Variants in SLC4A5 observed in about 807,000 individuals in gnomAD.
The protein encoded by SLC4A5 is electrogenic sodium bicarbonate cotransporter 4.
Under a neutral mutation model 120.4 loss-of-function variants are expected in SLC4A5, and 96 were observed. That is an observed-to-expected ratio of 0.80 (90% confidence interval 0.68 to 0.94). SLC4A5 has a LOEUF of 0.94. Ranked by LOEUF, SLC4A5 falls within the 40% of genes least tolerant of loss-of-function variation. The probability of loss-of-function intolerance (pLI) is 0.00; values close to 1 mark genes in which losing one functional copy is unlikely to be tolerated. For missense variants in SLC4A5, 1,259 were observed against 1,459.5 expected, an observed-to-expected ratio of 0.86 and a Z score of 2.24; for synonymous variants, 550 against 571.1, an observed-to-expected ratio of 0.96 and a Z score of 0.53.
chr2:74,246,567 T>C (rs1342870846), intron 19 of SLC4A5, among the ~76,000 whole-genome samples: 2 of 152,234 alleles, frequency 1.3e-5, no homozygotes, highest in African/African-American at 4.8e-5. Context: ...TCTGGACATG[T>C]TTCCATCTGT....
chr2:74,265,893 A>C (rs903781499), intron 8 of SLC4A5, among the ~76,000 whole-genome samples: 4 of 152,112 alleles, frequency 2.6e-5, no homozygotes, highest in Non-Finnish European at 5.9e-5. Flanking sequence ...AAGACTTGGA[A>C]TCATGGGCTG....
chr2:74,221,716 G>A (rs1694654253), intron 29 of SLC4A5, among the ~76,000 whole-genome samples: 1 of 152,134 alleles, frequency 6.6e-6, no homozygotes, highest in Admixed American at 6.5e-5. Flanking sequence ...GGCATGGGAG[G>A]GCCAGGGAAG....
At chr2:74,247,194 C>T (rs1276164475) in exon 19 of SLC4A5, 4 of 1,614,008 alleles carry the variant, frequency 2.5e-6, no homozygotes, top group East Asian at 2.2e-5. Flanking sequence ...CTCGGTGAAG[C>T]GGGTGATATA....
chr2:74,274,235 G>A (rs375238972), intron 8 of SLC4A5, among the ~76,000 whole-genome samples: 7 of 152,178 alleles, frequency 4.6e-5, no homozygotes, highest in African/African-American at 1.4e-4. Context: ...CCCAGCAGGC[G>A]GAAGTTACAG....
At chr2:74,335,521 A>G (rs1166400420) in intron 3 of SLC4A5, among the ~76,000 whole-genome samples, 1 of 152,174 alleles carries the variant, frequency 6.6e-6, no homozygotes, top group Non-Finnish European at 1.5e-5. Context: ...TACCCTGGAA[A>G]GCTACTTCTC....
At chr2:74,297,449 T>C (rs780688834) in intron 7 of SLC4A5, among the ~76,000 whole-genome samples, 4 of 152,180 alleles carry the variant, frequency 2.6e-5, no homozygotes, top group Non-Finnish European at 4.4e-5. Context: ...TTGGCCACCC[T>C]GCAACAATCT....
intron 28 of SLC4A5, among the ~76,000 whole-genome samples, chr2:74,224,560 C>T (rs557712936): frequency 5.3e-5 from 8 of 152,324 alleles, no homozygotes; most frequent in East Asian, 1.9e-4. Context: ...GCTGTGATCA[C>T]GGCCGTAAAG....
chr2:74,272,141 T>G (rs1033792163), intron 8 of SLC4A5, among the ~76,000 whole-genome samples: 5 of 152,170 alleles, frequency 3.3e-5, no homozygotes, highest in Non-Finnish European at 2.9e-5. Context: ...GATGGAATGA[T>G]GTGGTGTCTG....
In SLC4A5 at chr2:74,247,030, G is replaced by C. The variant is rs201220442; in HGVS notation, c.2059+6C>G. 6.2e-7 allele frequency: 1 copy of C among 1,613,002 alleles called. No homozygotes were observed. Among genetic ancestry groups the C allele is most frequent in the Non-Finnish European group, 8.5e-7 (1 of 1,179,236 alleles). On this transcript the variant is annotated splice_donor_region_variant and intron_variant, in intron 19 of 30. Transcript: ENST00000394019. ...GGCCCACGGCATGTCTGGGGTTACCGGTCACCTGTGTCAGGGGCGACACAC... is the reference window on the plus strand; with the variant it reads ...GGCCCACGGCATGTCTGGGGTTACCCGTCACCTGTGTCAGGGGCGACACAC...
intron 14 of SLC4A5, among the ~76,000 whole-genome samples, chr2:74,253,687 T>C (rs897150809): frequency 6.6e-6 from 1 of 152,224 alleles, no homozygotes. Flanking sequence ...CAAATCTGAC[T>C]GATTTTCAAT....
exon 23 of SLC4A5, chr2:74,233,459 G>T: frequency 6.2e-7 from 1 of 1,614,246 alleles, no homozygotes; most frequent in East Asian, 2.2e-5. Flanking sequence ...GGTCCATGAA[G>T]ATCAGGATGG....
chr2:74,227,688 C>A, intron 26 of SLC4A5, 122 bp downstream of exon 26: 1 of 1,183,356 alleles, frequency 8.5e-7, no homozygotes, highest in South Asian at 1.5e-5. Context: ...TACTATTATT[C>A]TTTCATTGAA....
intron 21 of SLC4A5, among the ~76,000 whole-genome samples, chr2:74,238,942 A>G (rs1022400726): frequency 2.6e-5 from 4 of 152,354 alleles, no homozygotes; most frequent in Non-Finnish European, 5.9e-5. Context: ...CCCAGAATAT[A>G]TAACAAACTC....
intron 6 of SLC4A5, among the ~76,000 whole-genome samples, chr2:74,304,916 C>G (rs1672594827): frequency 6.6e-6 from 1 of 152,116 alleles, no homozygotes; most frequent in South Asian, 2.1e-4. Context: ...TTAGAATGAG[C>G]AGAACTCCCA....
Position 74,290,266 on chromosome 2 carries a change from G to A in SLC4A5, c.272-4364C>T, listed in dbSNP as rs1025555686. 3.7e-5 allele frequency: 36 copies of A among 985,438 alleles called. No homozygotes were observed. In the South Asian group the frequency reaches 4.7e-4, roughly 13 times the overall value. 61.0% of individuals were successfully genotyped at this position (985,438 alleles called of 1,614,324 possible). On this transcript the variant is annotated intron_variant, in intron 7 of 30. Transcript: ENST00000394019. ...TACCTGCTCCCTGGAACAGCTGAGC[G>A]CTGGGGTCCCTGGCTGTCGATGCTG...
At chr2:74,220,421 C>A (rs1694587539) in intron 30 of SLC4A5, among the ~76,000 whole-genome samples, 1 of 152,182 alleles carries the variant, frequency 6.6e-6, no homozygotes, top group Admixed American at 6.5e-5. Flanking sequence ...GCTGTTAATT[C>A]ATTCTACAGA....
intron 7 of SLC4A5, chr2:74,290,622 T>TGA (rs151284937): frequency 0.022 from 18,936 of 868,080 alleles, 41 homozygotes; most frequent in African/African-American, 0.036. Flanking sequence ...GACAGAGAAG[T>TGA]GAGAGAGAGA....
chr2:74,319,293 A>G (rs1373808923), intron 5 of SLC4A5: 2 of 152,066 alleles, frequency 1.3e-5, no homozygotes, highest in African/African-American at 4.8e-5. Context: ...AGTACACTAA[A>G]CTCAAACTTC....
chr2:74,335,706 T>C (rs1573115719), intron 3 of SLC4A5, among the ~76,000 whole-genome samples: 1 of 152,072 alleles, frequency 6.6e-6, no homozygotes. Flanking sequence ...AAAGATACAA[T>C]GGAGGAAAAG....
Sources: allele counts gnomAD v4.1 joint callset (sites outside exome capture counted in the v4.1 genomes callset), GRCh38; gene constraint gnomAD v4.1.1; transcripts MANE v1.5; gene names NCBI Gene and HGNC (gene_info 2026-07-23, HGNC 2026-07-21).